SIDT2: variants seen among roughly 807,000 people sequenced by gnomAD.
The protein encoded by SIDT2 is SID1 transmembrane family, member 2.
Under a neutral mutation model 114.4 loss-of-function variants are expected in SIDT2, and 68 were observed. The observed-to-expected ratio is 0.59, with a 90% CI of 0.49 to 0.73. The LOEUF (loss-of-function observed/expected upper bound fraction) is 0.73, where lower values mean the gene tolerates loss of function less well. Among genes scored for constraint, SIDT2 ranks in the 30% least tolerant of loss-of-function variants. SIDT2 has a pLI of 0.00. For missense variants in SIDT2, 918 were observed against 1,097.1 expected (o/e 0.84, Z 2.31); for synonymous variants, 470 against 438.4 (o/e 1.07, Z -0.90).
chr11:117,194,479 G>T (rs2030819076), intron 24 of SIDT2, among the ~76,000 whole-genome samples: 1 of 152,232 alleles, frequency 6.6e-6, no homozygotes, highest in African/African-American at 2.4e-5. Flanking sequence ...CATAGCCAGT[G>T]AGTGGCACAG....
At position 117,192,660 on chromosome 11, in the gene SIDT2, T is replaced by G; in HGVS notation, c.2058+10T>G. On this transcript the variant is annotated intron_variant, in intron 21 of 25. Transcript: ENST00000324225. The surrounding 1 kb of genome is among the most constrained non-coding windows in gnomAD (Gnocchi z 5.9). ...CGGGCCGCTCTACGTGGTACCTGCC[T>G]GGTTCCCCTGCTCCATTCTCCACAT... is the stretch of plus-strand genomic sequence containing the variant. The G allele has an allele frequency of 6.2e-7, 1 of 1,612,860 alleles. No homozygotes were observed.
rs776956726 is a variant in SIDT2, at chr11:117,191,957, C to T, written c.1815C>T (p.Ser605=). 58 of 1,614,056 alleles carry T rather than the reference C, an allele frequency of 3.6e-5. No homozygotes were observed. The highest frequency in any genetic ancestry group is 2.3e-4 in the African/African-American group (17 of 74,936). Residue 605 remains serine (S), a synonymous_variant, in exon 19 of 26, where the codon AGC becomes AGT. Transcript: ENST00000324225. The part of the protein sequence containing the change: ...YQKRHPDINA[S]AYSAYACLAI... ...AGCGGCACCCGGACATCAACGCCAGCGCCTACAGTGCCTACGCCTGCCTGG... is the reference window on the plus strand; with the variant it reads ...AGCGGCACCCGGACATCAACGCCAGTGCCTACAGTGCCTACGCCTGCCTGG...
chr11:117,182,554 G>A lies in SIDT2; in HGVS notation c.552G>A (p.Ser184=), dbSNP rs78302783. The A allele has an allele frequency of 6.2e-3, 9,979 of 1,614,198 alleles. 50 individuals carry two copies. The highest frequency in any genetic ancestry group is 7.7e-3 in the South Asian group (697 of 91,082). The change falls in exon 5 of 26, where the codon TCG becomes TCA. Residue 184 remains serine, a synonymous_variant. Transcript: ENST00000324225. ...FKYEFPEGVD[S]VIVKVTSNKA... is the part of the protein sequence containing the mutation. ...ATGAGTTCCCTGAAGGCGTGGACTC[G>A]GTAATTGTCAAGGTGACCTCCAACA...
intron 4 of SIDT2, 194 bp downstream of exon 4, chr11:117,182,299 G>A (rs778267041): frequency 9.2e-5 from 68 of 739,210 alleles, no homozygotes; most frequent in Non-Finnish European, 1.5e-4. Flanking sequence ...ATGGAGTCTG[G>A]TTGCCTCTCT....
At chr11:117,182,205 G>A in intron 4 of SIDT2, 100 bp downstream of exon 4, 2 of 1,370,890 alleles carry the variant, frequency 1.5e-6, no homozygotes, top group Non-Finnish European at 2.0e-6. Flanking sequence ...TGAATTGGCT[G>A]TTTTCTCCAT....
rs1591769202 is a variant in SIDT2, at chr11:117,188,023, G to C, written c.1159+324G>C. ...TGCCGGCTCCGGTTGACTGCCGGCTGTGGGGCCAGAAAGATTCTATGTGCA... is the reference window on the plus strand; with the variant it reads ...TGCCGGCTCCGGTTGACTGCCGGCTCTGGGGCCAGAAAGATTCTATGTGCA... On this transcript the variant is annotated intron_variant, in intron 12 of 25. Transcript: ENST00000324225. The surrounding 1 kb of genome is among the most constrained non-coding windows in gnomAD (Gnocchi z 4.0). The C allele has an allele frequency of 7.0e-6, 4 of 570,516 alleles. No homozygotes were observed. The highest frequency in any genetic ancestry group is 2.7e-4 in the Middle Eastern group (1 of 3,692). The allele number at this position is 570,516 out of a possible 1,614,324, so 35.3% of individuals were successfully genotyped here.
intron 1 of SIDT2, among the ~76,000 whole-genome samples, chr11:117,181,075 G>A (rs1009717790): frequency 6.6e-6 from 1 of 152,162 alleles, no homozygotes; most frequent in African/African-American, 2.4e-5. Context: ...GTACACGTTT[G>A]TGTGTGCAGG....
At chr11:117,181,314 A>G (rs2030273768) in intron 1 of SIDT2, 102 bp from the exon 2 acceptor site, 2 of 1,546,408 alleles carry the variant, frequency 1.3e-6, no homozygotes, top group Admixed American at 3.6e-5. Flanking sequence ...AGATGGAGAA[A>G]GACCAAAGTA....
chr11:117,182,175 G>A (rs2030314988), intron 4 of SIDT2, 70 bp downstream of exon 4: 1 of 1,565,036 alleles, frequency 6.4e-7, no homozygotes, highest in African/African-American at 1.4e-5. Flanking sequence ...GGAGTGGCCA[G>A]CGGTCTTTGC....
At chr11:117,189,422 C>T (rs762575266) in intron 15 of SIDT2, 21 bp downstream of exon 15, 1 of 1,612,250 alleles carries the variant, frequency 6.2e-7, no homozygotes, top group South Asian at 1.1e-5. Context: ...AGGGCAGGTT[C>T]ACCTTTCCGA....
chr11:117,186,053 CATG>C (rs2030482521), intron 8 of SIDT2, 74 bp from the exon 9 acceptor site: 1 of 1,189,898 alleles, frequency 8.4e-7, no homozygotes, highest in African/African-American at 1.5e-5. Context: ...TGGAGGAGGA[CATG>C]AAGGCCTTTG....
intron 8 of SIDT2, among the ~76,000 whole-genome samples, chr11:117,185,309 A>G (rs1001497251): frequency 6.6e-6 from 1 of 151,886 alleles, no homozygotes; most frequent in African/African-American, 2.4e-5. Flanking sequence ...CCGGCTCCCA[A>G]AGTGCTGAGA....
In SIDT2 at chr11:117,196,183, C is replaced by T. The variant is rs1223191143; in HGVS notation, c.*117C>T. On this transcript the variant is annotated 3_prime_UTR_variant, in exon 26 of 26. Transcript: ENST00000324225. This position sits in a 1 kb window ranked among gnomAD's most constrained non-coding sequence, Gnocchi z 4.9. ...AGCACCGCTGCCCAGCACTGGATGG[C>T]AGCAGGACAGCCAGGTCTAGCTTAG... 1.5e-6 allele frequency: 2 copies of T among 1,377,350 alleles called. No individual in the cohort carries two copies. Among genetic ancestry groups the T allele is most frequent in the Non-Finnish European group, 2.0e-6 (2 of 996,180 alleles). The allele number at this position is 1,377,350 out of a possible 1,614,324, so 85.3% of individuals were successfully genotyped here.
In SIDT2 at chr11:117,190,721, C is replaced by T; in HGVS notation, c.1716C>T (p.Asn572=). The change falls in exon 18 of 26, where the codon AAC becomes AAT. Residue 572 remains asparagine (N), a synonymous_variant. Coordinates refer to ENST00000324225, the MANE Select transcript of SIDT2 (RefSeq NM_001040455.2). The surrounding 1 kb of genome is among the most constrained non-coding windows in gnomAD (Gnocchi z 4.1). ...GTGCTTGCTATCATGTGTGCCCCAA[C>T]TATACCAATTTCCAGTTTGGTGAGT... ...LLSACYHVCP[N]YTNFQFDTSF... 2 of 1,613,954 alleles carry T rather than the reference C, an allele frequency of 1.2e-6. No homozygotes were observed. Among genetic ancestry groups the T allele is most frequent in the Non-Finnish European group, 1.7e-6 (2 of 1,179,898 alleles).
intron 18 of SIDT2, chr11:117,191,018 C>G (rs1195348316): frequency 3.7e-6 from 1 of 268,890 alleles, no homozygotes; most frequent in Admixed American, 4.9e-5. Context: ...TGGCTCACGC[C>G]TGTAATCCCA....
In SIDT2 at chr11:117,192,969, T is replaced by G; in HGVS notation, c.2105+103T>G. 1 of 1,483,836 alleles carries G rather than the reference T, an allele frequency of 6.7e-7. No homozygotes were observed. Among genetic ancestry groups the G allele is most frequent in the Non-Finnish European group, 9.4e-7 (1 of 1,061,598 alleles). 91.9% of individuals were successfully genotyped at this position (1,483,836 alleles called of 1,614,324 possible). A position where few individuals can be genotyped will look rare whatever the true frequency, so the allele number is the denominator to read the frequency against. On this transcript the variant is annotated intron_variant, in intron 22 of 25. Coordinates refer to ENST00000324225, the MANE Select transcript of SIDT2 (RefSeq NM_001040455.2). The surrounding 1 kb of genome is among the most constrained non-coding windows in gnomAD (Gnocchi z 5.9). ...AAGGACAACTTCCAAATGTTGGGCA[T>G]AAGACATGGGGGCTAAGAGAGATCT...
chr11:117,196,524 G>A lies in SIDT2; in HGVS notation c.*458G>A. On this transcript the variant is annotated 3_prime_UTR_variant, in exon 26 of 26. Transcript: ENST00000324225. The surrounding 1 kb of genome is among the most constrained non-coding windows in gnomAD (Gnocchi z 4.9). ...GGCCTAGTCTGGGGCCTGAATCTCTGTCCTGTATCAGGGCCCCAGTTCTCT... is the reference window on the plus strand; with the variant it reads ...GGCCTAGTCTGGGGCCTGAATCTCTATCCTGTATCAGGGCCCCAGTTCTCT... 5.4e-6 allele frequency: 1 copy of A among 185,494 alleles called. No homozygotes were observed. The highest frequency in any genetic ancestry group is 1.1e-4 in the South Asian group (1 of 8,798). 11.5% of individuals were successfully genotyped at this position (185,494 alleles called of 1,614,324 possible).
Position 117,192,457 on chromosome 11 carries a change from C to T in SIDT2, c.1981+95C>T. On this transcript the variant is annotated intron_variant, in intron 20 of 25. Transcript: ENST00000324225. This position sits in a 1 kb window ranked among gnomAD's most constrained non-coding sequence, Gnocchi z 5.9. ...GACGCTCAGGTTCTGTCTTGGGGGCCCTGGAGTCACTGGGTGAGGAATTAG... is the reference window on the plus strand; with the variant it reads ...GACGCTCAGGTTCTGTCTTGGGGGCTCTGGAGTCACTGGGTGAGGAATTAG... The T allele has an allele frequency of 4.2e-6, 6 of 1,430,736 alleles. No homozygotes were observed. Among genetic ancestry groups the T allele is most frequent in the Non-Finnish European group, 5.9e-6 (6 of 1,025,580 alleles). The allele number at this position is 1,430,736 out of a possible 1,614,324, so 88.6% of individuals were successfully genotyped here.
chr11:117,195,903 C>CG lies in SIDT2; in HGVS notation c.2427dup (p.Ser810ValfsTer10). On this transcript the variant is annotated frameshift_variant, in exon 25 of 26. Coordinates refer to ENST00000324225, the MANE Select transcript of SIDT2 (RefSeq NM_001040455.2). LOFTEE classifies it high-confidence loss of function. ...ACTTCCTCTCCTCCATCGCCATGTT[C>CG]GGGTCCTTCCTGGTAAGCGGGCCTC... 1 of 1,614,252 alleles carries CG rather than the reference C, an allele frequency of 6.2e-7. No homozygotes were observed. Among genetic ancestry groups the CG allele is most frequent in the Non-Finnish European group, 8.5e-7 (1 of 1,180,048 alleles).
Sources: allele counts gnomAD v4.1 joint callset (sites outside exome capture counted in the v4.1 genomes callset), GRCh38; gene constraint gnomAD v4.1.1; non-coding constraint Gnocchi (gnomAD v3.1); transcripts MANE v1.5; gene names NCBI Gene and HGNC (gene_info 2026-07-23, HGNC 2026-07-21).